Variants in CAT observed in about 807,000 individuals in gnomAD.
The protein encoded by CAT is catalase, also known as epididymis secretory sperm binding protein.
A neutral mutation model predicts 59.0 loss-of-function variants in CAT; 43 were observed. The observed-to-expected ratio is 0.73, with a 90% CI of 0.57 to 0.94. The LOEUF (loss-of-function observed/expected upper bound fraction) is 0.94, where lower values mean the gene tolerates loss of function less well. CAT is among the 40% of genes least tolerant of loss of function. CAT has a pLI of 0.00. For synonymous variants in CAT, 218 were observed against 230.9 expected, an observed-to-expected ratio of 0.94 and a Z score of 0.51; for missense variants, 664 against 682.9, an observed-to-expected ratio of 0.97 and a Z score of 0.31.
chr11:34,439,153 C>T, intron 1 of CAT, 74 bp downstream of exon 1: 1 of 1,404,650 alleles, frequency 7.1e-7, no homozygotes, highest in Admixed American at 2.0e-5. Flanking sequence ...AAAGGCCCGG[C>T]TTCCCCCGGG....
rs747978477 is a variant in CAT, at chr11:34,461,367, G to A, written c.1173G>A (p.Pro391=). Residue 391 remains proline (P), a synonymous_variant, in exon 9 of 13, where the codon CCG becomes CCA. Coordinates refer to ENST00000241052, the MANE Select transcript of CAT (RefSeq NM_001752.4). ...TGGCCAACTACCAGCGTGACGGCCC[G>A]ATGTGCATGCAGGACAATCAGGGTA... is the stretch of plus-strand genomic sequence containing the variant. ...ARVANYQRDG[P]MCMQDNQGGA... The A allele has an allele frequency of 3.8e-5, 61 of 1,614,088 alleles. No individual in the cohort carries two copies. The highest frequency in any genetic ancestry group is 1.2e-4 in the Admixed American group (7 of 60,006).
Position 34,456,680 on chromosome 11 carries a change from G to A in CAT, c.919G>A (p.Asp307Asn). The A allele has an allele frequency of 6.2e-7, 1 of 1,614,154 alleles. No individual in the cohort carries two copies. The highest frequency in any genetic ancestry group is 8.5e-7 in the Non-Finnish European group (1 of 1,179,980). ...TCATTTTCAGGTTTGGCCTCACAAG[G>A]ACTACCCTCTCATCCCAGTTGGTAA... ...FDLTKVWPHK[D>N]YPLIPVGKLV... The change falls in exon 8 of 13, where the codon GAC (aspartate) becomes AAC (asparagine). Residue 307 changes from aspartate (D) to asparagine (N), a missense_variant. Coordinates refer to ENST00000241052, the MANE Select transcript of CAT (RefSeq NM_001752.4).
chr11:34,463,778 T>C (rs1344560993), intron 9 of CAT, among the ~76,000 whole-genome samples: 2 of 152,232 alleles, frequency 1.3e-5, no homozygotes, highest in Non-Finnish European at 2.9e-5. Flanking sequence ...AAATCAAGCC[T>C]GTATAAACTT....
chr11:34,448,121 C>T (rs758523084), intron 1 of CAT, among the ~76,000 whole-genome samples: 32 of 152,188 alleles, frequency 2.1e-4, no homozygotes, highest in Non-Finnish European at 3.5e-4. Context: ...TACTCCCCAC[C>T]GTATTGCCTT....
chr11:34,468,418 G>C, intron 11 of CAT, 23 bp downstream of exon 11: 1 of 1,520,076 alleles, frequency 6.6e-7, no homozygotes, highest in South Asian at 1.1e-5. Flanking sequence ...AAGCTGAAGG[G>C]TGTCCTCTGC....
chr11:34,468,244 A>G (rs1410960224), intron 10 of CAT, 44 bp from the exon 11 acceptor site: 2 of 1,370,548 alleles, frequency 1.5e-6, no homozygotes, highest in Non-Finnish European at 2.1e-6. Context: ...GTTGGTGATA[A>G]ACTGGTGATT....
At chr11:34,460,167 A>G (rs1427618197) in intron 8 of CAT, among the ~76,000 whole-genome samples, 1 of 152,246 alleles carries the variant, frequency 6.6e-6, no homozygotes, top group Admixed American at 6.5e-5. Flanking sequence ...GAAAAGGAGT[A>G]TGAATAATGA....
intron 8 of CAT, among the ~76,000 whole-genome samples, chr11:34,457,368 A>G (rs1590305010): frequency 6.6e-6 from 1 of 151,736 alleles, no homozygotes; most frequent in African/African-American, 2.4e-5. Flanking sequence ...CACCATGCCC[A>G]GCTAATTTTT....
intron 8 of CAT, among the ~76,000 whole-genome samples, chr11:34,460,446 C>CTTTTTTTTTTTTTTTTT (rs149180752): frequency 4.0e-4 from 34 of 84,488 alleles, no homozygotes; most frequent in Middle Eastern, 9.4e-3. Context: ...GTGGGCGGTA[C>CTTTTTTTTTTTTTTTTT]TTTTTTTTTT....
Position 34,449,362 on chromosome 11 carries a change from A to T in CAT, c.237A>T (p.Ala79=). The change falls in exon 2 of 13, where the codon GCA becomes GCT. Residue 79 remains alanine, a splice_region_variant and synonymous_variant. Coordinates refer to ENST00000241052, the MANE Select transcript of CAT (RefSeq NM_001752.4). ...IPERVVHAKG[A]GAFGYFEVTH... is the part of the protein sequence containing the mutation. ...AGAGAGTTGTGCATGCTAAAGGAGC[A>T]GGTAAGTGCTGTGTTTATTTGCTGT... is the stretch of plus-strand genomic sequence containing the variant. The T allele has an allele frequency of 6.2e-7, 1 of 1,613,574 alleles. No individual in the cohort carries two copies. Among genetic ancestry groups the T allele is most frequent in the Non-Finnish European group, 8.5e-7 (1 of 1,179,498 alleles).
In CAT at chr11:34,468,360, C is replaced by T; in HGVS notation, c.1399C>T (p.Leu467=). ...KRLCENIAGH[L]KDAQIFIQKK... is the part of the protein sequence containing the mutation. ...TCTGTGTGAGAACATTGCCGGCCAC[C>T]TGAAGGATGCACAAATTTTCATCCA... The change falls in exon 11 of 13, where the codon CTG becomes TTG. Residue 467 remains leucine (L), a synonymous_variant. Coordinates refer to ENST00000241052, the MANE Select transcript of CAT (RefSeq NM_001752.4). 2 of 1,614,030 alleles carry T rather than the reference C, an allele frequency of 1.2e-6. No individual in the cohort carries two copies. Among genetic ancestry groups the T allele is most frequent in the Non-Finnish European group, 8.5e-7 (1 of 1,179,950 alleles).
intron 9 of CAT, among the ~76,000 whole-genome samples, chr11:34,461,716 T>G (rs1327405181): frequency 6.6e-6 from 1 of 152,238 alleles, no homozygotes; most frequent in Non-Finnish European, 1.5e-5. Flanking sequence ...AGTTAGGTTT[T>G]GAAGACACTT....
chr11:34,440,719 C>T (rs1856379203), intron 1 of CAT, among the ~76,000 whole-genome samples: 1 of 152,016 alleles, frequency 6.6e-6, no homozygotes, highest in South Asian at 2.1e-4. Context: ...TCCACCACCA[C>T]ACCCAGCTAA....
intron 9 of CAT, among the ~76,000 whole-genome samples, chr11:34,463,296 T>G (rs1046541323): frequency 2.0e-4 from 31 of 152,368 alleles, no homozygotes; most frequent in African/African-American, 5.8e-4. Flanking sequence ...ATTTTGATTG[T>G]ATTTGTCACT....
chr11:34,443,658 TA>T (rs921566623), intron 1 of CAT, among the ~76,000 whole-genome samples: 4 of 152,186 alleles, frequency 2.6e-5, no homozygotes, highest in African/African-American at 4.8e-5. Flanking sequence ...CTGATCCCTT[TA>T]AAATGGGAGA....
intron 1 of CAT, among the ~76,000 whole-genome samples, chr11:34,443,306 G>A (rs987115190): frequency 7.9e-5 from 12 of 152,214 alleles, no homozygotes; most frequent in African/African-American, 2.4e-4. Context: ...TTTATTGGGC[G>A]TATCTTCTGT....
intron 1 of CAT, among the ~76,000 whole-genome samples, chr11:34,440,567 CTT>C (rs1371909875): frequency 4.9e-5 from 7 of 143,894 alleles, no homozygotes; most frequent in Admixed American, 6.9e-5. Flanking sequence ...CTTTTCTTTT[CTT>C]TTTTTTTTTT....
Position 34,455,262 on chromosome 11 carries a change from C to T in CAT, c.712-749C>T, listed in dbSNP as rs549736381. On this transcript the variant is annotated intron_variant, in intron 6 of 12. Coordinates refer to ENST00000241052, the MANE Select transcript of CAT (RefSeq NM_001752.4). ...GATTTCTGTGGTAGAAATAGACCAG[C>T]GTTCAGAGTTGATTTTTGCTAAGGA... Among the ~76,000 whole-genome samples the T allele has an allele frequency of 3.3e-5, 5 of 152,218 alleles. No homozygotes were observed. In the South Asian group the frequency reaches 6.2e-4, roughly 19 times the overall value.
chr11:34,439,176 G>A (rs2133174416), intron 1 of CAT, 97 bp downstream of exon 1: 1 of 1,157,704 alleles, frequency 8.6e-7, no homozygotes, highest in Non-Finnish European at 1.3e-6. Context: ...GGCGCTTGGA[G>A]GGACTGTACC....
Sources: gnomAD v4.1 joint callset for allele counts (sites outside exome capture counted in the v4.1 genomes callset) on GRCh38, gnomAD v4.1.1 for gene constraint, MANE v1.5 for transcripts, NCBI Gene and HGNC (gene_info 2026-07-23, HGNC 2026-07-21) for gene names.